ANKFN1: variants seen among roughly 807,000 people sequenced by gnomAD.
ANKFN1 encodes the protein ankyrin repeat and fibronectin type-III domain-containing protein 1.
Under a neutral mutation model 108.7 loss-of-function variants are expected in ANKFN1, and 74 were observed. The ratio of observed to expected loss-of-function variants is 0.68; its 90% CI spans 0.56 to 0.83. The LOEUF (loss-of-function observed/expected upper bound fraction) is 0.83, where lower values mean the gene tolerates loss of function less well. Ranked by LOEUF, ANKFN1 falls within the 40% of genes least tolerant of loss-of-function variation. The pLI is 0.00. For missense variants in ANKFN1, 1,505 were observed against 1,382.3 expected (o/e 1.09, Z -1.41); for synonymous variants, 547 against 516.2 (o/e 1.06, Z -0.81).
At chr17:56,214,222 T>C (rs1915256498) in intron 2 of ANKFN1, among the ~76,000 whole-genome samples, 1 of 152,176 alleles carries the variant, frequency 6.6e-6, no homozygotes, top group African/African-American at 2.4e-5. Flanking sequence ...TTAACTCACC[T>C]CTGTTGTAGA....
At chr17:56,480,027 A>G (rs917273209) in intron 16 of ANKFN1, among the ~76,000 whole-genome samples, 1 of 152,312 alleles carries the variant, frequency 6.6e-6, no homozygotes, top group Non-Finnish European at 1.5e-5. Flanking sequence ...TCTGTGTGAC[A>G]TTTGGAAAAG....
intron 4 of ANKFN1, among the ~76,000 whole-genome samples, chr17:56,069,482 GCA>G (rs1905096458): frequency 6.6e-6 from 1 of 152,166 alleles, no homozygotes; most frequent in Non-Finnish European, 1.5e-5. Flanking sequence ...TTCCTCCTAA[GCA>G]AACCACTGAA....
chr17:56,092,285 T>TTTTTTTTC (rs60379435), intron 4 of ANKFN1, among the ~76,000 whole-genome samples: 2 of 143,208 alleles, frequency 1.4e-5, no homozygotes, highest in African/African-American at 5.5e-5. Flanking sequence ...TTTTTTTTTT[T>TTTTTTTTC]TTGAGATGGA....
At chr17:56,102,842 G>C (rs1053491415) in intron 4 of ANKFN1, among the ~76,000 whole-genome samples, 2 of 152,162 alleles carry the variant, frequency 1.3e-5, no homozygotes, top group African/African-American at 4.8e-5. Context: ...ACCTCTCAAA[G>C]CACTGGGATT....
chr17:56,188,089 A>G (rs1912425812), intron 1 of ANKFN1, among the ~76,000 whole-genome samples: 1 of 144,960 alleles, frequency 6.9e-6, no homozygotes, highest in Admixed American at 6.7e-5. Context: ...AGAATCAAAA[A>G]TAAATAAATA....
intron 4 of ANKFN1, among the ~76,000 whole-genome samples, chr17:56,116,429 C>A (rs907889617): frequency 3.3e-5 from 5 of 152,082 alleles, no homozygotes; most frequent in Non-Finnish European, 7.4e-5. Context: ...GAAATTTGAT[C>A]CCCAGTGTTG....
intron 8 of ANKFN1, among the ~76,000 whole-genome samples, chr17:56,440,089 A>AG (rs2049050328): frequency 7.8e-5 from 1 of 12,900 alleles, no homozygotes; most frequent in Non-Finnish European, 2.6e-4. Flanking sequence ...ATCAAGGCTC[A>AG]AAAAAACTGA....
At chr17:56,466,988 A>G (rs542131247) in intron 15 of ANKFN1, among the ~76,000 whole-genome samples, 2 of 152,210 alleles carry the variant, frequency 1.3e-5, no homozygotes, top group African/African-American at 2.4e-5. Context: ...TATGTGGTGC[A>G]CACTTATAAT....
chr17:56,198,196 A>G (rs1426701522), intron 1 of ANKFN1, among the ~76,000 whole-genome samples: 2 of 152,188 alleles, frequency 1.3e-5, no homozygotes, highest in African/African-American at 4.8e-5. Context: ...ACTGAATTTG[A>G]TTGTGCTAGG....
At chr17:56,080,275 T>G (rs1250678982) in intron 4 of ANKFN1, among the ~76,000 whole-genome samples, 3 of 152,218 alleles carry the variant, frequency 2.0e-5, no homozygotes, top group Non-Finnish European at 4.4e-5. Flanking sequence ...ATCAGTCAGG[T>G]ATCTATCTTA....
Position 56,195,888 on chromosome 17 carries a change from A to G in ANKFN1, c.-70-16710A>G, listed in dbSNP as rs533011239. On this transcript the variant is annotated intron_variant, in intron 1 of 20. Coordinates refer to ENST00000682825, the MANE Select transcript of ANKFN1 (RefSeq NM_001370326.1). ...AAAAAAGCTCAGGCATAGTATATAT[A>G]TATGCCACATTACAGCATAATTAGT... Among the ~76,000 whole-genome samples the G allele has an allele frequency of 6.6e-4, 101 of 152,334 alleles. 1 individual carries two copies. Among genetic ancestry groups the G allele is most frequent in the African/African-American group, 2.3e-3 (97 of 41,574 alleles).
At chr17:56,417,022 T>C (rs2048259556) in intron 8 of ANKFN1, among the ~76,000 whole-genome samples, 2 of 149,904 alleles carry the variant, frequency 1.3e-5, no homozygotes, top group African/African-American at 4.9e-5. Flanking sequence ...ATTAAACCCA[T>C]AGAGATAGAG....
intron 3 of ANKFN1, among the ~76,000 whole-genome samples, chr17:56,229,452 T>C (rs1916535492): frequency 6.6e-6 from 1 of 152,068 alleles, no homozygotes; most frequent in Non-Finnish European, 1.5e-5. Context: ...TTTACCATAC[T>C]GTTACTGCCT....
In ANKFN1 at chr17:56,510,789, G is replaced by C. The variant is rs2051727132; in HGVS notation, c.2961G>C (p.Val987=). ...CACCCAAGAACCACGCCAAGACTGT[G>C]TCCGGTGGGCGGCCCCCGCTAGGCT... The part of the protein sequence containing the change: ...GFTPKNHAKT[V]SGGRPPLGFL... The change falls in exon 21 of 21, where the codon GTG becomes GTC. Residue 987 remains valine (V), a synonymous_variant. Coordinates refer to ENST00000682825, the MANE Select transcript of ANKFN1 (RefSeq NM_001370326.1). 9 of 1,536,052 alleles carry C rather than the reference G, an allele frequency of 5.9e-6. No homozygotes were observed. The highest frequency in any genetic ancestry group is 7.8e-6 in the Non-Finnish European group (9 of 1,146,920).
At chr17:56,118,218 T>A (rs76749012) in intron 4 of ANKFN1, among the ~76,000 whole-genome samples, 1,787 of 152,232 alleles carry the variant, frequency 0.012, 34 homozygotes, top group African/African-American at 0.04. Context: ...CGAGGTCATA[T>A]GTTTTAATTT....
chr17:56,459,818 A>G (rs1348929857), intron 14 of ANKFN1, among the ~76,000 whole-genome samples: 1 of 152,154 alleles, frequency 6.6e-6, no homozygotes, highest in Non-Finnish European at 1.5e-5. Context: ...ACCCTACTCA[A>G]CTACTCCCAT....
In ANKFN1 at chr17:56,516,806, TCTAAG is replaced by T. The variant is rs2051929008; in HGVS notation, c.*5541_*5545del. The stretch of plus-strand genomic sequence containing the variant: ...CAAGAAAAATTGTCGACAGAAGAAA[TCTAAG>T]CTATCAGAGGGAATGACTTTATTTC... On this transcript the variant is annotated 3_prime_UTR_variant, in exon 21 of 21. Transcript: ENST00000682825. Among the ~76,000 whole-genome samples the T allele has an allele frequency of 6.6e-6, 1 of 152,200 alleles. No individual in the cohort carries two copies. Among genetic ancestry groups the T allele is most frequent in the Admixed American group, 6.5e-5 (1 of 15,278 alleles).
chr17:56,359,855 C>G (rs560990802), intron 6 of ANKFN1, among the ~76,000 whole-genome samples: 18 of 152,112 alleles, frequency 1.2e-4, no homozygotes, highest in Non-Finnish European at 2.6e-4. Flanking sequence ...CCTGGGAGAC[C>G]CCACACTTGC....
chr17:56,134,363 C>T (rs1276499583), intron 4 of ANKFN1, among the ~76,000 whole-genome samples: 1 of 152,132 alleles, frequency 6.6e-6, no homozygotes, highest in African/African-American at 2.4e-5. Context: ...TTATTATTCA[C>T]TCCATTTCCA....
Sources: gnomAD v4.1 joint callset for allele counts (sites outside exome capture counted in the v4.1 genomes callset) on GRCh38, gnomAD v4.1.1 for gene constraint, MANE v1.5 for transcripts, NCBI Gene and HGNC (gene_info 2026-07-23, HGNC 2026-07-21) for gene names.